The following PGLYRP2 variants were observed in gnomAD, a reference collection of about 807,000 sequenced individuals.
PGLYRP2 encodes peptidoglycan recognition protein 2, also known as N-acetylmuramoyl-L-alanine amidase.
Under a neutral mutation model 46.2 loss-of-function variants are expected in PGLYRP2, and 38 were observed. The observed-to-expected ratio is 0.82, with a 90% CI of 0.64 to 1.08. The LOEUF (loss-of-function observed/expected upper bound fraction) is 1.08. Among genes scored for constraint, PGLYRP2 ranks in the 50% least tolerant of loss-of-function variants. The pLI is 0.00. For missense variants in PGLYRP2, 713 were observed against 755.9 expected, an observed-to-expected ratio of 0.94 and a Z score of 0.67; for synonymous variants, 289 against 329.4, an observed-to-expected ratio of 0.88 and a Z score of 1.33.
intron 2 of PGLYRP2, among the ~76,000 whole-genome samples, chr19:15,473,414 G>A (rs1387762044): frequency 7.5e-6 from 1 of 133,552 alleles, no homozygotes; most frequent in East Asian, 2.5e-4. Flanking sequence ...AGGTTGCAGT[G>A]AGCTGAGATC....
At position 15,472,196 on chromosome 19, in the gene PGLYRP2, T is replaced by A. The variant is rs774591104; in HGVS notation, c.1133-96A>T. 4.7e-6 allele frequency: 5 copies of A among 1,062,394 alleles called. No homozygotes were observed. The Admixed American group carries it at 6.8e-5, about 14-fold the overall frequency. The allele number at this position is 1,062,394 out of a possible 1,614,324, so 65.8% of individuals were successfully genotyped here. On this transcript the variant is annotated intron_variant, in intron 2 of 4. Coordinates refer to ENST00000340880, the MANE Select transcript of PGLYRP2 (RefSeq NM_052890.4). ...CGCACATACAGACCATCCCTCAGCC[T>A]CCTCTCAGATTTGGAAAGGGTCCAG...
intron 1 of PGLYRP2, among the ~76,000 whole-genome samples, chr19:15,478,304 G>T (rs1306833535): frequency 6.6e-6 from 1 of 152,114 alleles, no homozygotes; most frequent in Non-Finnish European, 1.5e-5. Context: ...CTGAGATCAT[G>T]CTGCTGCACT....
In PGLYRP2 at chr19:15,469,213, G is replaced by GGTGA; in HGVS notation, c.1641+415_1641+418dup. 2 of 596,842 alleles carry GGTGA rather than the reference G, an allele frequency of 3.4e-6. No individual in the cohort carries two copies. The highest frequency in any genetic ancestry group is 6.0e-6 in the Non-Finnish European group (2 of 334,432). The allele number at this position is 596,842 out of a possible 1,614,324, so 37.0% of individuals were successfully genotyped here. On this transcript the variant is annotated intron_variant, in intron 4 of 4. Transcript: ENST00000340880. The surrounding 1 kb of genome is among the most constrained non-coding windows in gnomAD (Gnocchi z 4.9). ...CAGAGGGCCTTCGGGTAGGGGCAGG[G>GGTGA]GTGAGGTCAAGGTTCGGCGGGCCAG...
At chr19:15,476,691 C>T in intron 1 of PGLYRP2, 83 bp from the exon 2 acceptor site, 1 of 1,186,494 alleles carries the variant, frequency 8.4e-7, no homozygotes, top group Non-Finnish European at 1.2e-6. Context: ...CCAATGCTCC[C>T]AGCCCTCCAT....
chr19:15,470,241 TTTCCTTCCTTCCTTCCTTCCTTCCTTCC>T lies in PGLYRP2; in HGVS notation c.1344-340_1344-313del, dbSNP rs71176417. Among the ~76,000 whole-genome samples, 16 of 100,038 alleles carry T rather than the reference TTTCCTTCCTTCCTTCCTTCCTTCCTTCC, an allele frequency of 1.6e-4. No individual in the cohort carries two copies. In the East Asian group the frequency reaches 3.2e-3, roughly 20 times the overall value. 65.6% of individuals were successfully genotyped at this position (100,038 alleles called of 152,430 possible). A position where few individuals can be genotyped will look rare whatever the true frequency, so the allele number is the denominator to read the frequency against. On this transcript the variant is annotated intron_variant, in intron 3 of 4. Transcript: ENST00000340880. ...CTTTTCTGTTTTTGGGTTTTTTTTC[TTTCCTTCCTTCCTTCCTTCCTTCCTTCC>T]TTCCTTCCTTCCTTCCTTCCTTCCT...
chr19:15,475,414 C>T (rs1970784005), intron 2 of PGLYRP2, 124 bp downstream of exon 2: 1 of 947,558 alleles, frequency 1.1e-6, no homozygotes, highest in Non-Finnish European at 1.6e-6. Flanking sequence ...GTCCCACCCA[C>T]CCCCGACCAG....
rs1254839131 is a variant in PGLYRP2, at chr19:15,479,387, G to T, written c.-16C>A. On this transcript the variant is annotated 5_prime_UTR_variant, in exon 1 of 5. The change creates a new upstream start codon in the 5' untranslated region. Transcript: ENST00000340880. ...CCTGGGCCATTGTTGCAGGATTCCA[G>T]CTTCCAAGGGGTATTTCTGGTTGGC... 4 of 1,613,264 alleles carry T rather than the reference G, an allele frequency of 2.5e-6. No individual in the cohort carries two copies. The highest frequency in any genetic ancestry group is 3.4e-6 in the Non-Finnish European group (4 of 1,179,638).
chr19:15,469,292 C>T lies in PGLYRP2; in HGVS notation c.1641+340G>A. ...GACTTGGGTAGAGAAGTCATGAAGG[C>T]CAGGCTGAGGTTGTGAGGGCAGAGG... On this transcript the variant is annotated intron_variant, in intron 4 of 4. Transcript: ENST00000340880. The surrounding 1 kb of genome is among the most constrained non-coding windows in gnomAD (Gnocchi z 4.9). 1 of 612,114 alleles carries T rather than the reference C, an allele frequency of 1.6e-6. No homozygotes were observed. Among genetic ancestry groups the T allele is most frequent in the Non-Finnish European group, 2.9e-6 (1 of 339,686 alleles). The allele number at this position is 612,114 out of a possible 1,614,324, so 37.9% of individuals were successfully genotyped here.
chr19:15,473,470 CAAAAAAAAAAAAAAAAAAAAAAAAAA>C (rs56053684), intron 2 of PGLYRP2, among the ~76,000 whole-genome samples: 1 of 36,460 alleles, frequency 2.7e-5, no homozygotes, highest in Non-Finnish European at 4.6e-5. Context: ...AACTCTGTCT[CAAAAAAAAAAAAAAAAAAAAAAAAAA>C]AAAAAAAAAA....
Position 15,476,122 on chromosome 19 carries a change from G to A in PGLYRP2, c.548C>T (p.Ala183Val). 6.2e-7 allele frequency: 1 copy of A among 1,614,212 alleles called. No individual in the cohort carries two copies. The highest frequency in any genetic ancestry group is 8.5e-7 in the Non-Finnish European group (1 of 1,180,030). The change falls in exon 2 of 5, where the codon GCA (alanine) becomes GTA (valine). Residue 183 changes from alanine to valine, a missense_variant. Ala to Val is a moderately conservative substitution (Grantham distance 64). Coordinates refer to ENST00000340880, the MANE Select transcript of PGLYRP2 (RefSeq NM_052890.4). ...ATCTGGAGTGTTGGCTCCAATATCTGCAGTGGTGACATCTGGAGAGCCATC... is the reference window on the plus strand; with the variant it reads ...ATCTGGAGTGTTGGCTCCAATATCTACAGTGGTGACATCTGGAGAGCCATC... ...LRDGSPDVTT[A>V]DIGANTPDAT...
At position 15,469,229 on chromosome 19, in the gene PGLYRP2, G is replaced by C. The variant is rs937628428; in HGVS notation, c.1641+403C>G. 3.4e-6 allele frequency: 2 copies of C among 596,198 alleles called. No individual in the cohort carries two copies. The highest frequency in any genetic ancestry group is 6.0e-6 in the Non-Finnish European group (2 of 333,834). The allele number at this position is 596,198 out of a possible 1,614,324, so 36.9% of individuals were successfully genotyped here. ...AGGGGCAGGGGTGAGGTCAAGGTTC[G>C]GCGGGCCAGGATGAGGTGGTGCAGC... is the stretch of plus-strand genomic sequence containing the variant. On this transcript the variant is annotated intron_variant, in intron 4 of 4. Transcript: ENST00000340880. This position sits in a 1 kb window ranked among gnomAD's most constrained non-coding sequence, Gnocchi z 4.9.
chr19:15,476,818 C>T (rs1970802253), intron 1 of PGLYRP2, among the ~76,000 whole-genome samples: 1 of 152,142 alleles, frequency 6.6e-6, no homozygotes, highest in Non-Finnish European at 1.5e-5. Flanking sequence ...GGAGCCATGG[C>T]AGATTTATGA....
At position 15,479,450 on chromosome 19, in the gene PGLYRP2, GCA is replaced by G. The variant is rs112973534; in HGVS notation, c.-81_-80del. The G allele has an allele frequency of 7.4e-3, 10,319 of 1,396,950 alleles. 631 individuals carry two copies. In the African/African-American group the frequency reaches 0.13, roughly 18 times the overall value. The allele number at this position is 1,396,950 out of a possible 1,614,324, so 86.5% of individuals were successfully genotyped here. ...CCTCGGCAGTGCTGGAGGGAGACAG[GCA>G]CAGAGAACTGAGCAGAGCCTTTGAC... On this transcript the variant is annotated 5_prime_UTR_variant, in exon 1 of 5. Transcript: ENST00000340880.
Position 15,469,320 on chromosome 19 carries a change from C to A in PGLYRP2, c.1641+312G>T, listed in dbSNP as rs1419517593. 1.6e-6 allele frequency: 1 copy of A among 634,328 alleles called. No individual in the cohort carries two copies. The highest frequency in any genetic ancestry group is 2.9e-6 in the Non-Finnish European group (1 of 348,578). 39.3% of individuals were successfully genotyped at this position (634,328 alleles called of 1,614,324 possible). A position where few individuals can be genotyped will look rare whatever the true frequency, so the allele number is the denominator to read the frequency against. On this transcript the variant is annotated intron_variant, in intron 4 of 4. Transcript: ENST00000340880. The surrounding 1 kb of genome is among the most constrained non-coding windows in gnomAD (Gnocchi z 4.9). ...GGCTGAGGTTGTGAGGGCAGAGGGG[C>A]TGTTGGCAGGTGTCAGGGTCCATGC... is the stretch of plus-strand genomic sequence containing the variant.
In PGLYRP2 at chr19:15,476,178, A is replaced by C. The variant is rs1970794020; in HGVS notation, c.492T>G (p.Asp164Glu). 2 of 1,614,188 alleles carry C rather than the reference A, an allele frequency of 1.2e-6. No individual in the cohort carries two copies. The highest frequency in any genetic ancestry group is 8.5e-7 in the Non-Finnish European group (1 of 1,180,036). ...TFPDVVAIAP[D>E]VRATSSPGLR... ...GTCCTGGGGAGGAGGTGGCTCTTACATCTGGAGCAATGGCCACAACATCTG... is the reference window on the plus strand; with the variant it reads ...GTCCTGGGGAGGAGGTGGCTCTTACCTCTGGAGCAATGGCCACAACATCTG... The change falls in exon 2 of 5, where the codon GAT becomes GAG. Residue 164 changes from aspartate (D) to glutamate (E), a missense_variant. Transcript: ENST00000340880.
rs545503296 is a variant in PGLYRP2 at position 15,469,319 on chromosome 19, G to T, written c.1641+313C>A. On this transcript the variant is annotated intron_variant, in intron 4 of 4. Transcript: ENST00000340880. The surrounding 1 kb of genome is among the most constrained non-coding windows in gnomAD (Gnocchi z 4.9). ...AGGCTGAGGTTGTGAGGGCAGAGGG[G>T]CTGTTGGCAGGTGTCAGGGTCCATG... 4.6e-5 allele frequency: 29 copies of T among 635,062 alleles called. No individual in the cohort carries two copies. The highest frequency in any genetic ancestry group is 8.3e-5 in the Non-Finnish European group (29 of 348,932). The allele number at this position is 635,062 out of a possible 1,614,324, so 39.3% of individuals were successfully genotyped here.
chr19:15,476,366 C>G lies in PGLYRP2; in HGVS notation c.304G>C (p.Val102Leu). The G allele has an allele frequency of 6.2e-7, 1 of 1,614,116 alleles. No individual in the cohort carries two copies. Among genetic ancestry groups the G allele is most frequent in the Non-Finnish European group, 8.5e-7 (1 of 1,180,002 alleles). ...ACCCCATATTCCTTCCCTTCTCGTA[C>G]GTCATGTCGGGCCACCTCCTTGGTC... ...GLTKEVARHD[V>L]REGKEYGVVL... is the part of the protein sequence containing the mutation. The change falls in exon 2 of 5, where the codon GTA becomes CTA. Residue 102 changes from valine (V) to leucine (L), a missense_variant. By Grantham distance (32) the Val-to-Leu change is conservative (BLOSUM62 1). Coordinates refer to ENST00000340880, the MANE Select transcript of PGLYRP2 (RefSeq NM_052890.4).
chr19:15,470,851 C>T (rs1970741693), intron 3 of PGLYRP2, among the ~76,000 whole-genome samples: 1 of 151,906 alleles, frequency 6.6e-6, no homozygotes, highest in Non-Finnish European at 1.5e-5. Context: ...TCCATGTTGG[C>T]CAGGCTGGTC....
At chr19:15,470,293 C>CTTCCTTCT (rs769321802) in intron 3 of PGLYRP2, among the ~76,000 whole-genome samples, 6,494 of 101,110 alleles carry the variant, frequency 0.064, 250 homozygotes, top group African/African-American at 0.09. Context: ...TCCTTCCTTC[C>CTTCCTTCT]TTCTTTCTTT....
Sources: allele counts gnomAD v4.1 joint callset (sites outside exome capture counted in the v4.1 genomes callset), GRCh38; gene constraint gnomAD v4.1.1; non-coding constraint Gnocchi (gnomAD v3.1); transcripts MANE v1.5; gene names NCBI Gene and HGNC (gene_info 2026-07-23, HGNC 2026-07-21).